ATP11A: variants seen among roughly 807,000 people sequenced by gnomAD.
ATP11A encodes ATPase phospholipid transporting 11A.
In ATP11A, 81 loss-of-function variants were observed where a neutral mutation model predicts 154.4. The observed-to-expected ratio is 0.52, with a 90% CI of 0.44 to 0.63. ATP11A has a LOEUF of 0.63. Among genes scored for constraint, ATP11A ranks in the 30% least tolerant of loss-of-function variants. ATP11A has a pLI of 0.00. For synonymous variants in ATP11A, 623 were observed against 585.9 expected (o/e 1.06, Z -0.91); for missense variants, 1,316 against 1,474.3 (o/e 0.89, Z 1.76).
intron 1 of ATP11A, among the ~76,000 whole-genome samples, chr13:112,733,411 A>C (rs1392948052): frequency 2.6e-5 from 4 of 152,242 alleles, no homozygotes; most frequent in African/African-American, 7.2e-5. Flanking sequence ...CTAGGCAGGA[A>C]TGTGAAAGCC....
At chr13:112,814,514 A>G (rs543867604) in intron 5 of ATP11A, among the ~76,000 whole-genome samples, 1 of 152,238 alleles carries the variant, frequency 6.6e-6, no homozygotes, top group South Asian at 2.1e-4. Flanking sequence ...CCATTTTGAG[A>G]TGATTTTTGT....
intron 17 of ATP11A, among the ~76,000 whole-genome samples, chr13:112,847,158 G>A (rs1015820409): frequency 6.6e-6 from 1 of 152,206 alleles, no homozygotes; most frequent in South Asian, 2.1e-4. Context: ...GTAGTGAGCT[G>A]GGCACTTGCA....
In ATP11A at chr13:112,753,123, C is replaced by G. The variant is rs2076734645; in HGVS notation, c.40-32012C>G. 6.6e-6 allele frequency among the ~76,000 whole-genome samples: 1 copy of G among 152,142 alleles called. No homozygotes were observed. Among genetic ancestry groups the G allele is most frequent in the Admixed American group, 6.5e-5 (1 of 15,276 alleles). ...ATACGGTGGCTTACAGTTACCCCGG[C>G]CCAGACTTTTTTCTCTCTGTCCCTC... On this transcript the variant is annotated intron_variant, in intron 1 of 29. Coordinates refer to ENST00000375645, the MANE Select transcript of ATP11A (RefSeq NM_015205.3). The surrounding 1 kb of genome is among the most constrained non-coding windows in gnomAD (Gnocchi z 4.1).
rs559580034 is a variant in ATP11A at position 112,751,831 on chromosome 13, C to T, written c.40-33304C>T. On this transcript the variant is annotated intron_variant, in intron 1 of 29. Coordinates refer to ENST00000375645, the MANE Select transcript of ATP11A (RefSeq NM_015205.3). ...TGCAGCCTGGTTCCAGTGATTCTCC[C>T]GCCTCAGAGTGCTGGGACTACAGGC... Among the ~76,000 whole-genome samples the T allele has an allele frequency of 5.9e-5, 9 of 152,190 alleles. No individual in the cohort carries two copies. The South Asian group carries it at 6.2e-4, about 11-fold the overall frequency.
chr13:112,701,101 G>T (rs1029228568), intron 1 of ATP11A, among the ~76,000 whole-genome samples: 5 of 152,312 alleles, frequency 3.3e-5, no homozygotes, highest in African/African-American at 1.2e-4. Flanking sequence ...GAGAATGGGA[G>T]TGGCACCCGA....
chr13:112,737,307 C>T (rs1231296528), intron 1 of ATP11A, among the ~76,000 whole-genome samples: 1 of 152,140 alleles, frequency 6.6e-6, no homozygotes, highest in Non-Finnish European at 1.5e-5. Context: ...TGTTTCTTGG[C>T]CCTGATGACA....
At chr13:112,862,003 G>GTGTCACAGCAGGCGTAAGA (rs2080118938) in intron 24 of ATP11A, among the ~76,000 whole-genome samples, 1 of 152,162 alleles carries the variant, frequency 6.6e-6, no homozygotes, top group Non-Finnish European at 1.5e-5. Context: ...CAGGCGTAAG[G>GTGTCACAGCAGGCGTAAGA]TGTCACAGCA....
chr13:112,771,896 C>A (rs533908601), intron 1 of ATP11A, among the ~76,000 whole-genome samples: 3 of 152,144 alleles, frequency 2.0e-5, no homozygotes, highest in Admixed American at 1.3e-4. Flanking sequence ...TGAACCAGTC[C>A]GGTGGGGAGT....
At chr13:112,861,108 G>A (rs2080090681) in intron 24 of ATP11A, among the ~76,000 whole-genome samples, 1 of 152,144 alleles carries the variant, frequency 6.6e-6, no homozygotes, top group African/African-American at 2.4e-5. Flanking sequence ...GAGAGCGTGT[G>A]CAGGAGAACT....
chr13:112,836,348 T>G, intron 16 of ATP11A, 97 bp downstream of exon 16: 1 of 666,084 alleles, frequency 1.5e-6, no homozygotes, highest in Non-Finnish European at 2.5e-6. Flanking sequence ...GATTTAGGGT[T>G]TAAGAATGAT....
chr13:112,862,380 G>A, intron 24 of ATP11A, 60 bp from the exon 25 acceptor site: 5 of 1,601,924 alleles, frequency 3.1e-6, no homozygotes, highest in South Asian at 2.2e-5. Flanking sequence ...CCCAGAGCCT[G>A]GGGGAGGTGC....
chr13:112,857,028 A>G (rs918462522), intron 20 of ATP11A, among the ~76,000 whole-genome samples: 6 of 152,250 alleles, frequency 3.9e-5, no homozygotes, highest in Non-Finnish European at 7.3e-5. Flanking sequence ...TAAACCTTAC[A>G]GAATTACTTC....
chr13:112,828,118 G>GAAACGCCCAGCAGTGTTGAGTGGGGGGGA (rs143513857), intron 12 of ATP11A, among the ~76,000 whole-genome samples: 2 of 122,472 alleles, frequency 1.6e-5, no homozygotes, highest in African/African-American at 6.4e-5. Context: ...TGAGTGGGGG[G>GAAACGCCCAGCAGTGTTGAGTGGGGGGGA]AAGCGCCCAG....
intron 29 of ATP11A, chr13:112,880,771 C>G: frequency 8.6e-7 from 1 of 1,158,934 alleles, no homozygotes; most frequent in Non-Finnish European, 1.1e-6. Context: ...AAGAGCAGCC[C>G]TCTTTACACA....
At chr13:112,814,839 C>T (rs1350297008) in intron 5 of ATP11A, among the ~76,000 whole-genome samples, 1 of 152,200 alleles carries the variant, frequency 6.6e-6, no homozygotes, top group African/African-American at 2.4e-5. Flanking sequence ...ATTCTAGAGC[C>T]TGTGCCTTCC....
Position 112,833,423 on chromosome 13 carries a change from C to T in ATP11A, c.1559+400C>T, listed in dbSNP as rs994214769. 4.6e-5 allele frequency among the ~76,000 whole-genome samples: 7 copies of T among 152,272 alleles called. No homozygotes were observed. The South Asian group carries it at 1.0e-3, about 23-fold the overall frequency. ...GCCTTCCCAGAGCCACAGCCTGGGCCGGACAGAGCAGAGCTGGTGCGGGAC... is the reference window on the plus strand; with the variant it reads ...GCCTTCCCAGAGCCACAGCCTGGGCTGGACAGAGCAGAGCTGGTGCGGGAC... On this transcript the variant is annotated intron_variant, in intron 14 of 29. Coordinates refer to ENST00000375645, the MANE Select transcript of ATP11A (RefSeq NM_015205.3).
intron 8 of ATP11A, among the ~76,000 whole-genome samples, chr13:112,822,935 G>T (rs530704987): frequency 1.3e-5 from 2 of 152,104 alleles, no homozygotes; most frequent in Non-Finnish European, 2.9e-5. Flanking sequence ...GGCCTGGGAC[G>T]ATCTTCCTGA....
At position 112,744,723 on chromosome 13, in the gene ATP11A, C is replaced by T. The variant is rs543436076; in HGVS notation, c.40-40412C>T. 2.6e-5 allele frequency among the ~76,000 whole-genome samples: 4 copies of T among 152,322 alleles called. No individual in the cohort carries two copies. The East Asian group carries it at 7.7e-4, about 29-fold the overall frequency. ...TTCCCTCCTGGTCGACTCTTAGTCA[C>T]CCGGCTGGTGTGTAAAGCACAGAGT... On this transcript the variant is annotated intron_variant, in intron 1 of 29. Transcript: ENST00000375645.
At chr13:112,736,677 AT>A (rs1566403989) in intron 1 of ATP11A, among the ~76,000 whole-genome samples, 1 of 152,210 alleles carries the variant, frequency 6.6e-6, no homozygotes, top group Non-Finnish European at 1.5e-5. Flanking sequence ...TATTGAGTAC[AT>A]TTTGGAAATC....
Sources: gnomAD v4.1 joint callset for allele counts (sites outside exome capture counted in the v4.1 genomes callset) on GRCh38, gnomAD v4.1.1 for gene constraint, Gnocchi (gnomAD v3.1) non-coding constraint, MANE v1.5 for transcripts, NCBI Gene and HGNC (gene_info 2026-07-23, HGNC 2026-07-21) for gene names.